Variants in TRIOBP observed in about 807,000 individuals in gnomAD.
TRIOBP encodes the protein TRIO and F-actin-binding protein.
A neutral mutation model predicts 238.8 loss-of-function variants in TRIOBP; 169 were observed. The observed-to-expected ratio is 0.71, with a 90% CI of 0.62 to 0.80. The LOEUF is 0.80. TRIOBP is among the 30% of genes least tolerant of loss of function. The pLI is 0.00. For synonymous variants in TRIOBP, 1,150 were observed against 1,274.4 expected (o/e 0.90, Z 2.08); for missense variants, 2,838 against 3,122.6 (o/e 0.91, Z 2.17).
In TRIOBP at chr22:37,750,876, C is replaced by CA. The variant is rs990714859; in HGVS notation, c.5323-895dup. 1.0e-5 allele frequency: 4 copies of CA among 400,064 alleles called. No individual in the cohort carries two copies. In the Admixed American group the frequency reaches 1.1e-4, roughly 11 times the overall value. 24.8% of individuals were successfully genotyped at this position (400,064 alleles called of 1,614,324 possible). Reference sequence around the variant, plus strand: ...ATGCCACCCGTTCTCTGCAGGCAACCAGACACCTTGGCCTGGTGAGGCCTC... The same window carrying CA: ...ATGCCACCCGTTCTCTGCAGGCAACCAAGACACCTTGGCCTGGTGAGGCCTC... On this transcript the variant is annotated intron_variant, in intron 11 of 23. Coordinates refer to ENST00000644935, the MANE Select transcript of TRIOBP (RefSeq NM_001039141.3).
intron 11 of TRIOBP, among the ~76,000 whole-genome samples, chr22:37,745,883 C>A (rs1569051352): frequency 6.6e-6 from 1 of 152,126 alleles, no homozygotes; most frequent in African/African-American, 2.4e-5. Flanking sequence ...GCAGCCTGGG[C>A]GAGTCGTGCC....
At chr22:37,726,599 C>A (rs974668466) in intron 7 of TRIOBP, 96 bp downstream of exon 7, 27 of 1,263,602 alleles carry the variant, frequency 2.1e-5, no homozygotes, top group East Asian at 2.0e-4. Context: ...GTGTTCAAAT[C>A]CCCCTGGCTT....
intron 3 of TRIOBP, among the ~76,000 whole-genome samples, chr22:37,705,412 G>T (rs1459199697): frequency 6.6e-6 from 1 of 151,968 alleles, no homozygotes; most frequent in Non-Finnish European, 1.5e-5. Context: ...CAAAGGCCCT[G>T]AGGCAGAAAG....
intron 11 of TRIOBP, 134 bp from the exon 12 acceptor site, chr22:37,751,638 A>T: frequency 1.1e-6 from 1 of 944,218 alleles, no homozygotes. Flanking sequence ...CTAGGGCCTT[A>T]GCCCTCTTGG....
chr22:37,699,555 T>G (rs1323370854), intron 2 of TRIOBP, among the ~76,000 whole-genome samples: 1 of 150,940 alleles, frequency 6.6e-6, no homozygotes, highest in African/African-American at 2.5e-5. Flanking sequence ...CACTTTTTTT[T>G]TTTAAGACAG....
chr22:37,713,356 C>T lies in TRIOBP; in HGVS notation c.401C>T (p.Pro134Leu). Residue 134 changes from proline to leucine, a missense_variant, in exon 5 of 24, where the codon CCC becomes CTC. Physicochemically the swap from Pro to Leu is moderately conservative, Grantham distance 98. Transcript: ENST00000644935. The part of the protein sequence containing the change: ...GSCNEDPGSD[P>L]TSSPDSATPD... ...TGCAACGAGGACCCCGGCTCTGACC[C>T]CACCTCCAGCCCTGACTCCGCCACC... The T allele has an allele frequency of 6.2e-7, 1 of 1,614,004 alleles. No individual in the cohort carries two copies. Among genetic ancestry groups the T allele is most frequent in the South Asian group, 1.1e-5 (1 of 91,082 alleles).
At chr22:37,750,635 TAGAC>T (rs769570014) in intron 11 of TRIOBP, 22 of 470,952 alleles carry the variant, frequency 4.7e-5, no homozygotes, top group East Asian at 2.1e-4. Flanking sequence ...GTCTCTCCCT[TAGAC>T]AGGTATACAG....
Position 37,723,296 on chromosome 22 carries a change from C to T in TRIOBP, c.740C>T (p.Thr247Ile), listed in dbSNP as rs768195384. ...RSTLTQASSMTPHSGPRSTTS... is the reference protein window; with the variant it reads ...RSTLTQASSMIPHSGPRSTTS... ...ACACTGACCCAGGCTTCCTCCATGA[C>T]ACCACACAGTGGACCTCGAAGCACC... The change falls in exon 7 of 24, where the codon ACA becomes ATA. Residue 247 changes from threonine (T) to isoleucine (I), a missense_variant. This residue lies in a region of TRIOBP where 535 missense variants were observed against 537.3 expected (regional missense o/e 1.00). Transcript: ENST00000644935. The T allele has an allele frequency of 3.1e-6, 5 of 1,614,150 alleles. No homozygotes were observed. In the South Asian group the frequency reaches 5.5e-5, roughly 18 times the overall value.
At chr22:37,729,634 GT>G (rs1924330643) in intron 7 of TRIOBP, among the ~76,000 whole-genome samples, 2 of 152,146 alleles carry the variant, frequency 1.3e-5, no homozygotes, top group Admixed American at 1.3e-4. Context: ...GAGATAAGGT[GT>G]TTATATTAAT....
At chr22:37,711,684 G>A (rs1051120796) in intron 4 of TRIOBP, among the ~76,000 whole-genome samples, 1 of 152,042 alleles carries the variant, frequency 6.6e-6, no homozygotes, top group Non-Finnish European at 1.5e-5. Flanking sequence ...GAAAGTCTGG[G>A]ATAAATGAAG....
At chr22:37,719,560 A>C (rs1389193519) in intron 6 of TRIOBP, among the ~76,000 whole-genome samples, 1 of 152,158 alleles carries the variant, frequency 6.6e-6, no homozygotes, top group African/African-American at 2.4e-5. Context: ...CCCACAAGTC[A>C]ATCATGGCTG....
chr22:37,764,195 AT>A (rs1279306854), intron 17 of TRIOBP, among the ~76,000 whole-genome samples: 1 of 152,232 alleles, frequency 6.6e-6, no homozygotes, highest in East Asian at 1.9e-4. Flanking sequence ...CCTCTTTGCC[AT>A]GTAACATGAT....
At chr22:37,764,197 G>A (rs1322668593) in intron 17 of TRIOBP, among the ~76,000 whole-genome samples, 2 of 152,206 alleles carry the variant, frequency 1.3e-5, no homozygotes, top group Non-Finnish European at 2.9e-5. Context: ...TCTTTGCCAT[G>A]TAACATGATG....
chr22:37,768,882 A>T, intron 19 of TRIOBP, 146 bp from the exon 20 acceptor site: 2 of 1,073,654 alleles, frequency 1.9e-6, no homozygotes, highest in Non-Finnish European at 2.8e-6. Context: ...AGAAGCTGTC[A>T]CTGGTTCACA....
At chr22:37,730,893 G>A (rs1924388691) in intron 7 of TRIOBP, among the ~76,000 whole-genome samples, 2 of 147,516 alleles carry the variant, frequency 1.4e-5, no homozygotes, top group African/African-American at 5.1e-5. Flanking sequence ...GTTGCAGTGA[G>A]CTGAGATTGC....
At chr22:37,716,023 G>T (rs530046317) in intron 6 of TRIOBP, 89 bp downstream of exon 6, 3 of 1,444,938 alleles carry the variant, frequency 2.1e-6, no homozygotes, top group Non-Finnish European at 2.9e-6. Flanking sequence ...CTCTGGGCAC[G>T]GCTTACTTTG....
At chr22:37,746,560 C>T (rs1925283599) in intron 11 of TRIOBP, 1 of 769,792 alleles carries the variant, frequency 1.3e-6, no homozygotes, top group Non-Finnish European at 1.7e-6. Context: ...AAGACGGGGC[C>T]ACCTCCGAAG....
intron 8 of TRIOBP, 145 bp downstream of exon 8, chr22:37,733,557 CT>C: frequency 1.5e-6 from 1 of 670,852 alleles, no homozygotes. Context: ...CAGCTCTCCC[CT>C]CTCCCCAACG....
At chr22:37,770,295 G>A (rs1426346203) in intron 21 of TRIOBP, among the ~76,000 whole-genome samples, 3 of 149,228 alleles carry the variant, frequency 2.0e-5, no homozygotes, top group Non-Finnish European at 3.0e-5. Flanking sequence ...AAAATTACCC[G>A]GGCGTGGTGG....
Sources: allele counts gnomAD v4.1 joint callset (sites outside exome capture counted in the v4.1 genomes callset), GRCh38; gene constraint gnomAD v4.1.1; regional missense constraint gnomAD v4.1.1; transcripts MANE v1.5; gene names NCBI Gene and HGNC (gene_info 2026-07-23, HGNC 2026-07-21).